The following NUAK1 variants were observed in gnomAD, a reference collection of about 807,000 sequenced individuals.
NUAK1 encodes the protein NUAK family SNF1-like kinase 1.
Under a neutral mutation model 56.9 loss-of-function variants are expected in NUAK1, and 26 were observed. That is an observed-to-expected ratio of 0.46 (90% CI 0.33 to 0.63). The LOEUF (loss-of-function observed/expected upper bound fraction) is 0.63. Among genes scored for constraint, NUAK1 ranks in the 30% least tolerant of loss-of-function variants. The pLI is 0.02. For missense variants in NUAK1, 727 were observed against 876.1 expected, an observed-to-expected ratio of 0.83 and a Z score of 2.15; for synonymous variants, 337 against 336.0, an observed-to-expected ratio of 1.00 and a Z score of -0.03.
At chr12:106,068,671 A>T (rs1229862881) in intron 6 of NUAK1, among the ~76,000 whole-genome samples, 1 of 152,216 alleles carries the variant, frequency 6.6e-6, no homozygotes, top group Non-Finnish European at 1.5e-5. Flanking sequence ...TCTACCTGCA[A>T]ATTTCTGCTG....
chr12:106,069,765 A>G (rs2032384266), intron 6 of NUAK1, among the ~76,000 whole-genome samples: 1 of 152,238 alleles, frequency 6.6e-6, no homozygotes, highest in South Asian at 2.1e-4. Flanking sequence ...AATGAGAATC[A>G]ACTGTGTATG....
At position 106,070,784 on chromosome 12, in the gene NUAK1, T is replaced by A; in HGVS notation, c.822A>T (p.Thr274=). 1 of 1,614,192 alleles carries A rather than the reference T, an allele frequency of 6.2e-7. No homozygotes were observed. Among genetic ancestry groups the A allele is most frequent in the Non-Finnish European group, 8.5e-7 (1 of 1,180,034 alleles). The change falls in exon 6 of 7, where the codon ACA becomes ACT. Residue 274 remains threonine, a synonymous_variant. Transcript: ENST00000261402. ...CCACAGGGCACGCACCTGAGGGCTG[T>A]GTTGGCTCCCGGTACTCTCCGCTGC... ...QISSGEYREP[T]QPSDARGLIR...
chr12:106,071,442 G>A (rs916686951), intron 5 of NUAK1, among the ~76,000 whole-genome samples: 7 of 152,142 alleles, frequency 4.6e-5, no homozygotes, highest in Admixed American at 4.6e-4. Flanking sequence ...ATAGAGTGTT[G>A]GGGATGGAGA....
chr12:106,120,292 T>C (rs773394146), intron 1 of NUAK1, among the ~76,000 whole-genome samples: 1 of 152,166 alleles, frequency 6.6e-6, no homozygotes, highest in Non-Finnish European at 1.5e-5. Flanking sequence ...ATTTCAGACT[T>C]AGATTTGCCC....
intron 4 of NUAK1, among the ~76,000 whole-genome samples, chr12:106,079,042 C>T (rs543724663): frequency 6.6e-6 from 1 of 152,190 alleles, no homozygotes; most frequent in Non-Finnish European, 1.5e-5. Context: ...GAGTAGAATT[C>T]ATCAGGTGTC....
chr12:106,119,265 A>G (rs1217903192), intron 1 of NUAK1, among the ~76,000 whole-genome samples: 1 of 152,196 alleles, frequency 6.6e-6, no homozygotes, highest in African/African-American at 2.4e-5. Context: ...AATAGAAAAT[A>G]CACTTGACCT....
chr12:106,066,466 G>GAATGAA lies in NUAK1; in HGVS notation c.*335_*336insTTCATT. On this transcript the variant is annotated 3_prime_UTR_variant, in exon 7 of 7. Transcript: ENST00000261402. ...GCCCCTCCTCCAGAAGCATCTGGATGACTTCTAAGGAAATGCTCCTTCCAC... is the reference window on the plus strand; with the variant it reads ...GCCCCTCCTCCAGAAGCATCTGGATGAATGAAACTTCTAAGGAAATGCTCCTTCCAC... 5.2e-6 allele frequency: 1 copy of GAATGAA among 192,666 alleles called. No individual in the cohort carries two copies. The highest frequency in any genetic ancestry group is 9.0e-6 in the Non-Finnish European group (1 of 111,228). The allele number at this position is 192,666 out of a possible 1,614,324, so 11.9% of individuals were successfully genotyped here. A position where few individuals can be genotyped will look rare whatever the true frequency, so the allele number is the denominator to read the frequency against.
chr12:106,082,566 A>G (rs1019287985), intron 4 of NUAK1, among the ~76,000 whole-genome samples: 1 of 152,102 alleles, frequency 6.6e-6, no homozygotes, highest in Non-Finnish European at 1.5e-5. Flanking sequence ...GAATAATCCA[A>G]CCACTTTGCC....
intron 1 of NUAK1, among the ~76,000 whole-genome samples, chr12:106,113,523 G>A (rs1480760972): frequency 6.6e-6 from 1 of 151,880 alleles, no homozygotes; most frequent in Non-Finnish European, 1.5e-5. Flanking sequence ...AGTGTTCAGG[G>A]TAGGGGGCAG....
intron 4 of NUAK1, among the ~76,000 whole-genome samples, chr12:106,082,789 A>G (rs760716320): frequency 1.3e-4 from 19 of 151,796 alleles, no homozygotes; most frequent in Non-Finnish European, 2.2e-4. Flanking sequence ...CACCAAAGCA[A>G]CTCCATCCTT....
At chr12:106,071,888 A>G (rs1167582794) in intron 5 of NUAK1, among the ~76,000 whole-genome samples, 1 of 152,142 alleles carries the variant, frequency 6.6e-6, no homozygotes, top group Non-Finnish European at 1.5e-5. Flanking sequence ...ACACTCTCAA[A>G]CACATAAATA....
At chr12:106,075,318 C>CACACACACACACACACACAG (rs142856878) in intron 4 of NUAK1, among the ~76,000 whole-genome samples, 3 of 146,742 alleles carry the variant, frequency 2.0e-5, no homozygotes, top group African/African-American at 7.7e-5. Context: ...CACACACACA[C>CACACACACACACACACACAG]AGAGAGAGAG....
At chr12:106,069,601 G>C (rs1592847320) in intron 6 of NUAK1, among the ~76,000 whole-genome samples, 1 of 152,200 alleles carries the variant, frequency 6.6e-6, no homozygotes, top group Middle Eastern at 3.4e-3. Flanking sequence ...TTTAAACAGA[G>C]ACACACATAA....
In NUAK1 at chr12:106,066,557, G is replaced by A; in HGVS notation, c.*245C>T. ...CCTCCCCTGGACAGCTGGTCCTCTA[G>A]GAGGTGCCATAAAGCAAATGCCAAA... On this transcript the variant is annotated 3_prime_UTR_variant, in exon 7 of 7. Coordinates refer to ENST00000261402, the MANE Select transcript of NUAK1 (RefSeq NM_014840.3). The A allele has an allele frequency of 1.5e-5, 8 of 547,724 alleles. No individual in the cohort carries two copies. In the South Asian group the frequency reaches 1.8e-4, roughly 12 times the overall value. The allele number at this position is 547,724 out of a possible 1,614,324, so 33.9% of individuals were successfully genotyped here. A position where few individuals can be genotyped will look rare whatever the true frequency, so the allele number is the denominator to read the frequency against.
At chr12:106,075,274 G>A (rs2032448631) in intron 4 of NUAK1, among the ~76,000 whole-genome samples, 1 of 112,690 alleles carries the variant, frequency 8.9e-6, no homozygotes, top group African/African-American at 3.6e-5. Flanking sequence ...CGATGGGAAA[G>A]CAGTATTAAT....
intron 1 of NUAK1, among the ~76,000 whole-genome samples, chr12:106,116,406 A>C (rs1175077084): frequency 2.0e-5 from 3 of 152,234 alleles, no homozygotes; most frequent in South Asian, 4.1e-4. Context: ...GGGGTGATTC[A>C]CAATAAAAGC....
At position 106,070,767 on chromosome 12, in the gene NUAK1, C is replaced by T; in HGVS notation, c.832+7G>A. ...CACCTCTGACCCTCCCTCCACAGGG[C>T]ACGCACCTGAGGGCTGTGTTGGCTC... On this transcript the variant is annotated splice_region_variant and intron_variant, in intron 6 of 6. Transcript: ENST00000261402. 2 of 1,614,136 alleles carry T rather than the reference C, an allele frequency of 1.2e-6. No individual in the cohort carries two copies. Among genetic ancestry groups the T allele is most frequent in the Non-Finnish European group, 1.7e-6 (2 of 1,180,006 alleles).
Position 106,070,830 on chromosome 12 carries a change from T to C in NUAK1, c.776A>G (p.Lys259Arg). 6.2e-7 allele frequency: 1 copy of C among 1,614,172 alleles called. No individual in the cohort carries two copies. ...GTMPFDGFDH[K>R]NLIRQISSGE... The stretch of plus-strand genomic sequence containing the variant: ...GCTGCTGATTTGCCGAATGAGGTTT[T>C]TGTGATCGAAACCATCGAAGGGCAT... Residue 259 changes from lysine to arginine, a missense_variant, in exon 6 of 7, where the codon AAA becomes AGA. Physicochemically the swap from Lys to Arg is conservative, Grantham distance 26 (BLOSUM62 2). Coordinates refer to ENST00000261402, the MANE Select transcript of NUAK1 (RefSeq NM_014840.3).
Position 106,116,271 on chromosome 12 carries a change from C to T in NUAK1, c.241-9746G>A, listed in dbSNP as rs139704030. 1.8e-4 allele frequency among the ~76,000 whole-genome samples: 28 copies of T among 152,274 alleles called. No homozygotes were observed. The East Asian group carries it at 3.9e-3, about 21-fold the overall frequency. ...GCCAACCTAAACCCCAGCCATCTGC[C>T]GCTGAGCCTTCTTTTACTTGCTCAC... On this transcript the variant is annotated intron_variant, in intron 1 of 6. Coordinates refer to ENST00000261402, the MANE Select transcript of NUAK1 (RefSeq NM_014840.3).
Sources: gnomAD v4.1 joint callset for allele counts (sites outside exome capture counted in the v4.1 genomes callset) on GRCh38, gnomAD v4.1.1 for gene constraint, MANE v1.5 for transcripts, NCBI Gene and HGNC (gene_info 2026-07-23, HGNC 2026-07-21) for gene names.